TCF4: variants seen among roughly 807,000 people sequenced by gnomAD.
TCF4 encodes transcription factor 4, also known as SL3-3 enhancer factor 2.
TCF4 carries 3 observed loss-of-function variants against 82.1 expected under a neutral mutation model. The ratio of observed to expected loss-of-function variants is 0.04; its 90% CI spans 0.02 to 0.09. TCF4 has a LOEUF of 0.09. TCF4 is among the 10% of genes least tolerant of loss of function. TCF4 has a pLI of 1.00. For synonymous variants in TCF4, 276 were observed against 309.6 expected (o/e 0.89, Z 1.14); for missense variants, 518 against 852.7 (o/e 0.61, Z 4.89).
chr18:55,251,800 C>T (rs1045147139), intron 15 of TCF4, among the ~76,000 whole-genome samples: 4 of 152,162 alleles, frequency 2.6e-5, no homozygotes, highest in Non-Finnish European at 5.9e-5. Flanking sequence ...GTGCATACCT[C>T]CCACGGCTAC....
chr18:55,347,784 G>T (rs549698061), intron 8 of TCF4, among the ~76,000 whole-genome samples: 63 of 152,064 alleles, frequency 4.1e-4, no homozygotes, highest in Non-Finnish European at 5.9e-4. Flanking sequence ...TTCAAAATGG[G>T]GGGTAAAGTG....
At chr18:55,336,306 T>A (rs2147866121) in intron 8 of TCF4, among the ~76,000 whole-genome samples, 1 of 152,226 alleles carries the variant, frequency 6.6e-6, no homozygotes, top group African/African-American at 2.4e-5. Context: ...TGTATACATT[T>A]TTTTTTACTA....
chr18:55,422,080 T>A (rs1193938874), intron 5 of TCF4: 1 of 505,324 alleles, frequency 2.0e-6, no homozygotes. Context: ...ACAAAGGGAA[T>A]AGATTAAAAA....
chr18:55,635,933 C>T (rs963570784), exon 1 of TCF4: 3 of 1,580,224 alleles, frequency 1.9e-6, no homozygotes, highest in Non-Finnish European at 2.6e-6. Context: ...TGCCAATCTA[C>T]AAGAAAGGTG....
At chr18:55,368,693 C>T (rs1343530120) in intron 6 of TCF4, among the ~76,000 whole-genome samples, 3 of 152,200 alleles carry the variant, frequency 2.0e-5, no homozygotes, top group Admixed American at 6.5e-5. Context: ...AAGCCAAATC[C>T]ATAATGTGGG....
intron 11 of TCF4, chr18:55,265,125 C>G (rs1228980641): frequency 1.3e-5 from 2 of 152,160 alleles, no homozygotes; most frequent in Admixed American, 1.3e-4. Flanking sequence ...GCCTTGGGAT[C>G]AACTACTAAA....
At chr18:55,606,152 CG>C (rs1568488454) in intron 2 of TCF4, among the ~76,000 whole-genome samples, 1 of 152,168 alleles carries the variant, frequency 6.6e-6, no homozygotes, top group Admixed American at 6.5e-5. Context: ...GATTCAATAA[CG>C]GTAACTACCC....
At chr18:55,510,759 C>A (rs529023852) in intron 3 of TCF4, 11 of 1,293,710 alleles carry the variant, frequency 8.5e-6, no homozygotes, top group Middle Eastern at 2.2e-4. Context: ...GGAAACAGAA[C>A]ATGAGTTAAT....
At chr18:55,330,483 G>T (rs1008008672) in intron 8 of TCF4, among the ~76,000 whole-genome samples, 2 of 151,198 alleles carry the variant, frequency 1.3e-5, no homozygotes, top group African/African-American at 2.4e-5. Context: ...TGGCATGTTG[G>T]ATATCTTTAA....
chr18:55,276,410 T>C (rs998500018), intron 9 of TCF4, among the ~76,000 whole-genome samples: 1 of 152,186 alleles, frequency 6.6e-6, no homozygotes, highest in Non-Finnish European at 1.5e-5. Flanking sequence ...GTAGCTATTA[T>C]ATTACAGATA....
chr18:55,418,680 C>G (rs917562967), intron 5 of TCF4, among the ~76,000 whole-genome samples: 11 of 152,076 alleles, frequency 7.2e-5, no homozygotes, highest in African/African-American at 2.7e-4. Context: ...GAGCACACAG[C>G]TATGAAAGAG....
chr18:55,312,241 G>T (rs1355758236), intron 8 of TCF4, among the ~76,000 whole-genome samples: 6 of 151,958 alleles, frequency 3.9e-5, no homozygotes, highest in Admixed American at 3.3e-4. Flanking sequence ...ATTCTAATAC[G>T]GATTATCCTG....
At chr18:55,634,482 T>C (rs540365598) in intron 1 of TCF4, among the ~76,000 whole-genome samples, 2 of 152,246 alleles carry the variant, frequency 1.3e-5, no homozygotes, top group East Asian at 1.9e-4. Flanking sequence ...TAAAACCAAA[T>C]CTGTCTGATT....
chr18:55,229,032 C>T lies in TCF4; in HGVS notation c.1694G>A (p.Arg565His). ...GTTGGCCATCCTCCGCTCCTTCTCA[C>T]GCTCTGCCTTCTGCTCTGGTGTCAG... ...EDLTPEQKAE[R>H]EKERRMANNA... is the part of the protein sequence containing the mutation. The change falls in exon 18 of 20, where the codon CGT becomes CAT. Residue 565 changes from arginine to histidine, a missense_variant. By Grantham distance (29) the Arg-to-His change is conservative. Transcript: ENST00000354452. 1 of 1,614,188 alleles carries T rather than the reference C, an allele frequency of 6.2e-7. No homozygotes were observed. Among genetic ancestry groups the T allele is most frequent in the Non-Finnish European group, 8.5e-7 (1 of 1,180,020 alleles).
chr18:55,472,882 T>C (rs1568151002), intron 3 of TCF4, among the ~76,000 whole-genome samples: 2 of 152,196 alleles, frequency 1.3e-5, no homozygotes, highest in Admixed American at 6.5e-5. Flanking sequence ...TCTAAAGATA[T>C]ATCACAGAGT....
intron 15 of TCF4, among the ~76,000 whole-genome samples, chr18:55,253,045 G>A (rs867186892): frequency 6.6e-6 from 1 of 151,936 alleles, no homozygotes; most frequent in African/African-American, 2.4e-5. Flanking sequence ...AGAGGTCAAG[G>A]GAAAGAAAAA....
chr18:55,341,372 T>C (rs1180962483), intron 8 of TCF4, among the ~76,000 whole-genome samples: 1 of 152,194 alleles, frequency 6.6e-6, no homozygotes, highest in East Asian at 1.9e-4. Context: ...ATTCAATAGA[T>C]GCAAATGATG....
At chr18:55,363,324 T>C (rs928050993) in intron 6 of TCF4, among the ~76,000 whole-genome samples, 1 of 152,158 alleles carries the variant, frequency 6.6e-6, no homozygotes, top group Non-Finnish European at 1.5e-5. Context: ...TTGTTTAGCA[T>C]TTAAGGGGAA....
chr18:55,523,384 AAC>A (rs2096949517), intron 3 of TCF4, among the ~76,000 whole-genome samples: 1 of 152,044 alleles, frequency 6.6e-6, no homozygotes, highest in Non-Finnish European at 1.5e-5. Flanking sequence ...AAATTCAGGA[AAC>A]ACTACAGCAC....
Sources: allele counts gnomAD v4.1 joint callset (sites outside exome capture counted in the v4.1 genomes callset), GRCh38; gene constraint gnomAD v4.1.1; transcripts MANE v1.5; gene names NCBI Gene and HGNC (gene_info 2026-07-23, HGNC 2026-07-21).